The following NRXN1 variants were observed in gnomAD, a reference collection of about 807,000 sequenced individuals.
NRXN1 encodes the protein neurexin-1.
Under a neutral mutation model 150.9 loss-of-function variants are expected in NRXN1, and 39 were observed. That is an observed-to-expected ratio of 0.26 (90% CI 0.20 to 0.34). The LOEUF (loss-of-function observed/expected upper bound fraction) is 0.34. NRXN1 is among the 10% of genes least tolerant of loss of function. The probability of loss-of-function intolerance (pLI) is 1.00; values close to 1 mark genes in which losing one functional copy is unlikely to be tolerated. For missense variants in NRXN1, 1,815 were observed against 1,949.9 expected, an observed-to-expected ratio of 0.93 and a Z score of 1.30; for synonymous variants, 924 against 757.0, an observed-to-expected ratio of 1.22 and a Z score of -3.62.
At chr2:50,224,606 A>G (rs1234195216) in intron 18 of NRXN1, among the ~76,000 whole-genome samples, 1 of 151,750 alleles carries the variant, frequency 6.6e-6, no homozygotes, top group African/African-American at 2.4e-5. Flanking sequence ...ACAACTCAAC[A>G]AATGGAGAAC....
At chr2:50,440,969 T>C (rs1180315806) in intron 17 of NRXN1, among the ~76,000 whole-genome samples, 1 of 152,216 alleles carries the variant, frequency 6.6e-6, no homozygotes, top group Non-Finnish European at 1.5e-5. Context: ...GTCTTCATCA[T>C]AGATACTCTC....
chr2:50,941,309 A>T (rs983960157), intron 2 of NRXN1, among the ~76,000 whole-genome samples: 1 of 152,168 alleles, frequency 6.6e-6, no homozygotes, highest in African/African-American at 2.4e-5. Context: ...GGAGTGGGGT[A>T]CTGCTATAAA....
chr2:50,093,727 A>G (rs1699875123), intron 18 of NRXN1, among the ~76,000 whole-genome samples: 1 of 152,202 alleles, frequency 6.6e-6, no homozygotes. Context: ...ACATTTTATA[A>G]ATACTAACTC....
intron 8 of NRXN1, among the ~76,000 whole-genome samples, chr2:50,609,102 A>G (rs974415573): frequency 1.1e-4 from 16 of 152,132 alleles, no homozygotes; most frequent in African/African-American, 3.6e-4. Context: ...TATTAGGGAT[A>G]TGGCTCTGAT....
intron 16 of NRXN1, among the ~76,000 whole-genome samples, chr2:50,471,969 G>C (rs1472485106): frequency 1.3e-5 from 2 of 151,538 alleles, no homozygotes; most frequent in Non-Finnish European, 2.9e-5. Context: ...ATGCTATAAA[G>C]CAAGCATCGT....
At chr2:50,989,485 A>T (rs1209150378) in intron 2 of NRXN1, among the ~76,000 whole-genome samples, 1 of 152,002 alleles carries the variant, frequency 6.6e-6, no homozygotes, top group Non-Finnish European at 1.5e-5. Flanking sequence ...GCATTTAGCA[A>T]TCAGCAATTG....
At chr2:50,775,542 C>T (rs1165461819) in intron 5 of NRXN1, among the ~76,000 whole-genome samples, 2 of 152,128 alleles carry the variant, frequency 1.3e-5, no homozygotes, top group Non-Finnish European at 2.9e-5. Context: ...CCCTAAGTTC[C>T]TGTTTATGAC....
intron 19 of NRXN1, among the ~76,000 whole-genome samples, chr2:50,087,388 G>A (rs1459030005): frequency 1.3e-5 from 2 of 152,030 alleles, no homozygotes; most frequent in Non-Finnish European, 2.9e-5. Flanking sequence ...CACTGTGATA[G>A]GAAAACAAAT....
intron 17 of NRXN1, among the ~76,000 whole-genome samples, chr2:50,241,495 A>G (rs1366344133): frequency 1.3e-5 from 2 of 151,778 alleles, no homozygotes; most frequent in Non-Finnish European, 2.9e-5. Context: ...TAACCTTGAC[A>G]TCCATCAGAT....
intron 17 of NRXN1, among the ~76,000 whole-genome samples, chr2:50,317,751 A>T (rs2075728959): frequency 6.6e-6 from 1 of 152,062 alleles, no homozygotes; most frequent in African/African-American, 2.4e-5. Flanking sequence ...AACAGTGTTT[A>T]ATTTATAGAG....
intron 5 of NRXN1, among the ~76,000 whole-genome samples, chr2:50,783,531 C>G (rs532410675): frequency 1.3e-5 from 2 of 152,226 alleles, no homozygotes; most frequent in South Asian, 4.2e-4. Context: ...CCTGGACACT[C>G]TCATTCCCCA....
chr2:50,472,173 A>G (rs1019035114), intron 16 of NRXN1, 125 bp downstream of exon 16: 3 of 691,292 alleles, frequency 4.3e-6, no homozygotes, highest in African/African-American at 3.7e-5. Flanking sequence ...AAACTTGAAT[A>G]AGGATGTCTA....
chr2:50,194,602 T>G (rs897473391), intron 18 of NRXN1, among the ~76,000 whole-genome samples: 1 of 152,170 alleles, frequency 6.6e-6, no homozygotes, highest in African/African-American at 2.4e-5. Flanking sequence ...AAGATAATGT[T>G]TGGAAGTCTC....
intron 17 of NRXN1, among the ~76,000 whole-genome samples, chr2:50,366,053 C>T (rs1377345344): frequency 1.3e-5 from 2 of 151,428 alleles, no homozygotes; most frequent in Non-Finnish European, 2.9e-5. Flanking sequence ...ATGAATGTTA[C>T]TTTCACCCAA....
chr2:50,020,383 C>T (rs1287060036), intron 21 of NRXN1, among the ~76,000 whole-genome samples: 1 of 152,136 alleles, frequency 6.6e-6, no homozygotes, highest in South Asian at 2.1e-4. Flanking sequence ...TAACTGTATA[C>T]TGAAAGTGAG....
intron 19 of NRXN1, among the ~76,000 whole-genome samples, chr2:50,088,827 T>A (rs946364826): frequency 6.6e-6 from 1 of 152,170 alleles, no homozygotes; most frequent in African/African-American, 2.4e-5. Flanking sequence ...ATTAGTCTGC[T>A]ACAAGAACAC....
At chr2:49,987,119 T>C (rs1024411515) in intron 21 of NRXN1, among the ~76,000 whole-genome samples, 1 of 152,158 alleles carries the variant, frequency 6.6e-6, no homozygotes, top group Non-Finnish European at 1.5e-5. Flanking sequence ...CTAGGACTTA[T>C]TCCTCCTTAT....
At chr2:50,841,799 C>G (rs1367949791) in intron 5 of NRXN1, among the ~76,000 whole-genome samples, 1 of 152,044 alleles carries the variant, frequency 6.6e-6, no homozygotes, top group Non-Finnish European at 1.5e-5. Context: ...TTTATATTTC[C>G]AGCTCCCATT....
intron 5 of NRXN1, among the ~76,000 whole-genome samples, chr2:50,775,448 G>A (rs1448970323): frequency 1.3e-5 from 2 of 152,074 alleles, no homozygotes; most frequent in Non-Finnish European, 2.9e-5. Context: ...GCACTGCTAT[G>A]TTCTATTATG....
Sources: allele counts gnomAD v4.1 joint callset (sites outside exome capture counted in the v4.1 genomes callset), GRCh38; gene constraint gnomAD v4.1.1; transcripts MANE v1.5; gene names NCBI Gene and HGNC (gene_info 2026-07-23, HGNC 2026-07-21).